CIMIP2A: variants seen among roughly 807,000 people sequenced by gnomAD.
CIMIP2A encodes family with sequence similarity 166 member A.
chr9:137,244,381 A>G, the CIMIP2A span: 2 of 1,589,590 alleles, frequency 1.3e-6, no homozygotes, highest in Non-Finnish European at 1.7e-6. Context: ...GAGGGCCGGC[A>G]CTCCGTGGGA....
the CIMIP2A span, among the ~76,000 whole-genome samples, chr9:137,249,190 C>T: frequency 1.3e-5 from 2 of 152,074 alleles, no homozygotes; most frequent in African/African-American, 2.4e-5. Flanking sequence ...GACCGCAGTC[C>T]GTAAATATAA....
At chr9:137,251,921 C>T in the CIMIP2A span, 1 of 1,600,674 alleles carries the variant, frequency 6.2e-7, no homozygotes, top group South Asian at 1.1e-5. Context: ...GGCCACCCCA[C>T]CCCCAAGCTG....
At chr9:137,244,982 G>T in the CIMIP2A span, 1 of 1,607,062 alleles carries the variant, frequency 6.2e-7, no homozygotes. Context: ...GCCTGTTCTG[G>T]AGCAGGAAAA....
chr9:137,250,435 G>A, the CIMIP2A span: 1 of 152,346 alleles, frequency 6.6e-6, no homozygotes, highest in African/African-American at 2.4e-5. Flanking sequence ...TCAAGCACGT[G>A]TCCATCTGTC....
chr9:137,252,218 C>T, the CIMIP2A span: 1 of 1,531,636 alleles, frequency 6.5e-7, no homozygotes, highest in South Asian at 1.3e-5. Flanking sequence ...TGCTGAAACC[C>T]CCACGGCCTG....
chr9:137,244,671 G>T, the CIMIP2A span: 3 of 1,613,880 alleles, frequency 1.9e-6, no homozygotes, highest in Non-Finnish European at 2.5e-6. Flanking sequence ...TCCATGGCTT[G>T]CATGACGCCG....
chr9:137,250,176 CTG>C, the CIMIP2A span: 1 of 152,236 alleles, frequency 6.6e-6, no homozygotes, highest in Non-Finnish European at 1.5e-5. Flanking sequence ...GAGCCGGACA[CTG>C]AGAGAGCATT....
At chr9:137,252,156 G>A in the CIMIP2A span, 5 of 1,595,970 alleles carry the variant, frequency 3.1e-6, no homozygotes, top group East Asian at 4.5e-5. Flanking sequence ...CCTCCCTGAG[G>A]CCCAACCACC....
chr9:137,247,646 C>T, the CIMIP2A span: 17 of 1,611,740 alleles, frequency 1.1e-5, no homozygotes, highest in African/African-American at 1.5e-4. Flanking sequence ...ACCTCCAGAG[C>T]TCCCGGCTCT....
the CIMIP2A span, chr9:137,243,674 G>A: frequency 6.2e-7 from 1 of 1,614,120 alleles, no homozygotes; most frequent in Middle Eastern, 1.6e-4. Flanking sequence ...CATCCATGCT[G>A]TACAGACACC....
the CIMIP2A span, chr9:137,245,951 A>G: frequency 9.8e-7 from 1 of 1,023,074 alleles, no homozygotes; most frequent in Non-Finnish European, 1.3e-6. Flanking sequence ...CCTGCTGGCC[A>G]CTTAGCAGCA....
the CIMIP2A span, chr9:137,251,449 G>A: frequency 1.5e-6 from 2 of 1,378,468 alleles, no homozygotes; most frequent in Middle Eastern, 2.0e-4. Context: ...TGGCCAGGGG[G>A]CTGAGGGACA....
the CIMIP2A span, chr9:137,244,221 T>C: frequency 1.2e-6 from 2 of 1,613,920 alleles, no homozygotes; most frequent in East Asian, 2.2e-5. Context: ...GCTGTAGATG[T>C]GGTTGCTGGG....
chr9:137,250,039 C>T, the CIMIP2A span, among the ~76,000 whole-genome samples: 3 of 152,150 alleles, frequency 2.0e-5, no homozygotes, highest in Non-Finnish European at 4.4e-5. Flanking sequence ...GATCTGACAC[C>T]ATCTCCAGGT....
At chr9:137,245,126 CAGCTGCGGCAGCCGCTGGA>C in the CIMIP2A span, 1 of 1,600,358 alleles carries the variant, frequency 6.2e-7, no homozygotes, top group East Asian at 2.2e-5. Context: ...TAGGGTGGTC[CAGCTGCGGCAGCCGCTGGA>C]AGCTGCCCAC....
At chr9:137,252,864 C>G in the CIMIP2A span, 9 of 1,584,790 alleles carry the variant, frequency 5.7e-6, no homozygotes, top group Non-Finnish European at 7.7e-6. Flanking sequence ...TGCCCTGGCC[C>G]CAACACCTAC....
chr9:137,252,074 G>C, the CIMIP2A span: 2 of 1,612,848 alleles, frequency 1.2e-6, no homozygotes, highest in African/African-American at 1.3e-5. Flanking sequence ...TGCCGAGCCC[G>C]TCCGTACGAG....
chr9:137,252,596 A>T, the CIMIP2A span: 3 of 1,052,348 alleles, frequency 2.9e-6, no homozygotes, highest in Non-Finnish European at 3.9e-6. Flanking sequence ...GTGGGGCCAA[A>T]GGGGGGCTGG....
chr9:137,249,286 G>A, the CIMIP2A span, among the ~76,000 whole-genome samples: 2 of 152,228 alleles, frequency 1.3e-5, no homozygotes, highest in Admixed American at 1.3e-4. Flanking sequence ...GGGTCACAGT[G>A]AGAAGGGCCT....
Sources: allele counts gnomAD v4.1 joint callset (sites outside exome capture counted in the v4.1 genomes callset), GRCh38; gene constraint gnomAD v4.1.1; transcripts MANE v1.5; gene names NCBI Gene and HGNC (gene_info 2026-07-23, HGNC 2026-07-21).